Variants in NIPBL observed in about 807,000 individuals in gnomAD.
The protein encoded by NIPBL is nipped-B-like protein.
Under a neutral mutation model 321.8 loss-of-function variants are expected in NIPBL, and 19 were observed. That is an observed-to-expected ratio of 0.06 (90% CI 0.04 to 0.09). The LOEUF is 0.09. Ranked by LOEUF, NIPBL falls within the 10% of genes least tolerant of loss-of-function variation. NIPBL has a pLI of 1.00. For synonymous variants in NIPBL, 1,106 were observed against 1,114.1 expected (o/e 0.99, Z 0.14); for missense variants, 2,210 against 3,327.0 (o/e 0.66, Z 8.26).
chr5:37,026,356 C>A, intron 31 of NIPBL, 29 bp downstream of exon 31: 3 of 1,317,930 alleles, frequency 2.3e-6, no homozygotes, highest in South Asian at 2.4e-5. Context: ...AGGGTGTGGT[C>A]ACTGTTGATC....
At position 36,971,947 on chromosome 5, in the gene NIPBL, T is replaced by A. The variant is rs777233920; in HGVS notation, c.774T>A (p.Asp258Glu). 1 of 1,611,428 alleles carries A rather than the reference T, an allele frequency of 6.2e-7. No homozygotes were observed. Among genetic ancestry groups the A allele is most frequent in the Non-Finnish European group, 8.5e-7 (1 of 1,177,754 alleles). The change falls in exon 8 of 47, where the codon GAT (aspartate) becomes GAA (glutamate). Residue 258 changes from aspartate (D) to glutamate (E), a missense_variant and splice_region_variant. Asp to Glu is a conservative substitution (Grantham distance 45). Around this residue, in one of 14 missense-constraint regions of NIPBL, gnomAD observed 464 missense variants for 529.5 expected, o/e 0.88. Transcript: ENST00000282516. Reference protein sequence around the residue: ...LHMVHRLSSDDGDSSTMRNAA... With the variant: ...LHMVHRLSSDEGDSSTMRNAA... Reference sequence around the variant, plus strand: ...TAAATTGTATACTCTATTTTTAGGATGGAGATTCTTCAACAATGAGGAATG... The same window carrying A: ...TAAATTGTATACTCTATTTTTAGGAAGGAGATTCTTCAACAATGAGGAATG...
At position 36,985,215 on chromosome 5, in the gene NIPBL, T is replaced by A. The variant is rs762097133; in HGVS notation, c.2035T>A (p.Ser679Thr). 1.2e-6 allele frequency: 2 copies of A among 1,613,698 alleles called. No homozygotes were observed. Among genetic ancestry groups the A allele is most frequent in the Admixed American group, 1.7e-5 (1 of 59,870 alleles). ...GCCTAAACAAAATGAAAATAGACTG[T>A]CTGACACAAAACCAAATGACAACAA... ...VEPKQNENRLSDTKPNDNKQN... is the reference protein window; with the variant it reads ...VEPKQNENRLTDTKPNDNKQN... The change falls in exon 10 of 47, where the codon TCT (serine) becomes ACT (threonine). Residue 679 changes from serine (S) to threonine (T), a missense_variant. Coordinates refer to ENST00000282516, the MANE Select transcript of NIPBL (RefSeq NM_133433.4).
chr5:36,983,406 G>A (rs1338455450), intron 9 of NIPBL, among the ~76,000 whole-genome samples: 2 of 151,670 alleles, frequency 1.3e-5, no homozygotes, highest in Non-Finnish European at 3.0e-5. Context: ...GAAAACAGTG[G>A]AACTTTGCTA....
chr5:36,974,831 T>C (rs1405204848), intron 8 of NIPBL, among the ~76,000 whole-genome samples: 2 of 152,136 alleles, frequency 1.3e-5, no homozygotes, highest in African/African-American at 2.4e-5. Context: ...AAAAAAACTT[T>C]TATCTTGACC....
At chr5:37,025,779 TA>T (rs1388138560) in intron 30 of NIPBL, among the ~76,000 whole-genome samples, 1 of 152,138 alleles carries the variant, frequency 6.6e-6, no homozygotes, top group Admixed American at 6.5e-5. Flanking sequence ...CTATACTTCA[TA>T]AATGTGTACA....
chr5:37,032,470 T>C (rs1751179534), intron 32 of NIPBL, among the ~76,000 whole-genome samples: 1 of 147,916 alleles, frequency 6.8e-6, no homozygotes, highest in Non-Finnish European at 1.5e-5. Flanking sequence ...AGAAAAAATC[T>C]TAAAGGTAGG....
In NIPBL at chr5:36,985,290, A is replaced by G. The variant is rs146756149; in HGVS notation, c.2110A>G (p.Lys704Glu). The G allele has an allele frequency of 1.2e-6, 2 of 1,613,600 alleles. No homozygotes were observed. The highest frequency in any genetic ancestry group is 1.3e-5 in the African/African-American group (1 of 74,878). Reference sequence around the variant, plus strand: ...AACAAAATCAAGGCCTGAAACCCCAAAGCAAAAGGGTGAAAGCCGGCCTGA... The same window carrying G: ...AACAAAATCAAGGCCTGAAACCCCAGAGCAAAAGGGTGAAAGCCGGCCTGA... ...ETTKSRPETPKQKGESRPETP... is the reference protein window; with the variant it reads ...ETTKSRPETPEQKGESRPETP... The change falls in exon 10 of 47, where the codon AAG (lysine) becomes GAG (glutamate). Residue 704 changes from lysine to glutamate, a missense_variant. This residue lies in a region of NIPBL where 588 missense variants were observed against 564.1 expected (regional missense o/e 1.04). Transcript: ENST00000282516.
intron 1 of NIPBL, among the ~76,000 whole-genome samples, chr5:36,947,413 C>G (rs1425339999): frequency 6.6e-6 from 1 of 151,986 alleles, no homozygotes; most frequent in Non-Finnish European, 1.5e-5. Context: ...TCTCCCCCAC[C>G]CTATCTTCCT....
chr5:37,027,143 A>G (rs917849494), intron 31 of NIPBL, among the ~76,000 whole-genome samples: 2 of 152,204 alleles, frequency 1.3e-5, no homozygotes, highest in Admixed American at 1.3e-4. Flanking sequence ...ACCTCAATAC[A>G]TTAAACTAAT....
At chr5:37,049,783 A>G (rs371453862) in intron 40 of NIPBL, among the ~76,000 whole-genome samples, 9 of 152,330 alleles carry the variant, frequency 5.9e-5, no homozygotes, top group East Asian at 3.9e-4. Flanking sequence ...CAACGACGTA[A>G]TAAAGACATT....
At chr5:36,893,391 A>C (rs1227593836) in intron 1 of NIPBL, among the ~76,000 whole-genome samples, 4 of 152,212 alleles carry the variant, frequency 2.6e-5, no homozygotes, top group Non-Finnish European at 5.9e-5. Flanking sequence ...ATACTGCCAA[A>C]ATGAAAATTA....
intron 17 of NIPBL, 47 bp downstream of exon 17, chr5:37,006,635 G>A (rs1283842241): frequency 1.6e-6 from 2 of 1,289,618 alleles, no homozygotes; most frequent in African/African-American, 1.5e-5. Context: ...TGCCATGTTA[G>A]ATGAGTCAAA....
At chr5:36,933,212 CTTAG>C (rs1413422072) in intron 1 of NIPBL, among the ~76,000 whole-genome samples, 1 of 151,768 alleles carries the variant, frequency 6.6e-6, no homozygotes, top group Non-Finnish European at 1.5e-5. Flanking sequence ...AATTTTTATA[CTTAG>C]TTATTTTTAG....
At chr5:37,032,383 ATACG>A (rs1751136485) in intron 32 of NIPBL, among the ~76,000 whole-genome samples, 2 of 125,682 alleles carry the variant, frequency 1.6e-5, no homozygotes, top group African/African-American at 3.0e-5. Flanking sequence ...GCATACATGT[ATACG>A]TGTGTGTGTG....
chr5:37,028,911 A>G (rs961607958), intron 32 of NIPBL, among the ~76,000 whole-genome samples: 1 of 152,210 alleles, frequency 6.6e-6, no homozygotes, highest in East Asian at 1.9e-4. Flanking sequence ...TGCGACTTGT[A>G]TGTTTTTCTG....
rs1416326205 is a variant in NIPBL, at chr5:37,016,843, A to C, written c.4777-176A>C. On this transcript the variant is annotated intron_variant, in intron 23 of 46. Transcript: ENST00000282516. The stretch of plus-strand genomic sequence containing the variant: ...TCTGTAATTTTTTTAGTCACATGAA[A>C]ATGTTCAGATTCCAGAAAATCAAAA... 5.9e-5 allele frequency among the ~76,000 whole-genome samples: 9 copies of C among 152,132 alleles called. No individual in the cohort carries two copies. In the East Asian group the frequency reaches 1.7e-3, roughly 29 times the overall value.
intron 1 of NIPBL, among the ~76,000 whole-genome samples, chr5:36,952,748 A>T (rs1033642971): frequency 2.0e-5 from 3 of 152,232 alleles, no homozygotes; most frequent in African/African-American, 7.2e-5. Context: ...TTTGTCCTTT[A>T]TGTGGTTGCA....
At chr5:36,892,488 C>A (rs931849983) in intron 1 of NIPBL, among the ~76,000 whole-genome samples, 1 of 152,116 alleles carries the variant, frequency 6.6e-6, no homozygotes, top group Non-Finnish European at 1.5e-5. Flanking sequence ...CACATGCACA[C>A]GTATGTTTAT....
intron 14 of NIPBL, among the ~76,000 whole-genome samples, chr5:37,001,299 G>C (rs140470215): frequency 6.6e-6 from 1 of 152,004 alleles, no homozygotes; most frequent in Non-Finnish European, 1.5e-5. Flanking sequence ...AATACTTAAG[G>C]CTTAACTCAG....
Sources: allele counts gnomAD v4.1 joint callset (sites outside exome capture counted in the v4.1 genomes callset), GRCh38; gene constraint gnomAD v4.1.1; regional missense constraint gnomAD v4.1.1; transcripts MANE v1.5; gene names NCBI Gene and HGNC (gene_info 2026-07-23, HGNC 2026-07-21).